ROBO1: variants seen among roughly 807,000 people sequenced by gnomAD.
The protein encoded by ROBO1 is roundabout guidance receptor 1, also known as roundabout homolog 1.
In ROBO1, 149 loss-of-function variants were observed where a neutral mutation model predicts 195.9. That is an observed-to-expected ratio of 0.76 (90% CI 0.67 to 0.87). ROBO1 has a LOEUF of 0.87. Ranked by LOEUF, ROBO1 falls within the 40% of genes least tolerant of loss-of-function variation. The pLI, the probability that ROBO1 is intolerant of heterozygous loss-of-function variation, is 0.00. For synonymous variants in ROBO1, 816 were observed against 733.2 expected (o/e 1.11, Z -1.82); for missense variants, 1,933 against 2,068.3 (o/e 0.93, Z 1.27).
intron 3 of ROBO1, among the ~76,000 whole-genome samples, chr3:78,992,982 G>A (rs182235549): frequency 2.2e-4 from 34 of 152,244 alleles, no homozygotes; most frequent in Admixed American, 2.2e-3. Context: ...AGTTGGCCAT[G>A]GAGTGGCAGA....
chr3:79,652,654 G>T (rs1946045301), intron 1 of ROBO1, among the ~76,000 whole-genome samples: 1 of 152,060 alleles, frequency 6.6e-6, no homozygotes, highest in Non-Finnish European at 1.5e-5. Context: ...TTTGAAACAA[G>T]TGTGATGGTG....
chr3:78,957,641 C>T (rs915463785), intron 3 of ROBO1, among the ~76,000 whole-genome samples: 9 of 152,104 alleles, frequency 5.9e-5, no homozygotes, highest in South Asian at 4.1e-4. Flanking sequence ...AACCCTGAGG[C>T]GCATAGCTGC....
At chr3:79,121,847 C>T (rs1319226150) in intron 3 of ROBO1, among the ~76,000 whole-genome samples, 4 of 151,906 alleles carry the variant, frequency 2.6e-5, no homozygotes, top group African/African-American at 9.7e-5. Flanking sequence ...CTGATTACTG[C>T]TTTGTAAAAA....
chr3:79,349,343 C>T (rs1389173186), intron 2 of ROBO1, among the ~76,000 whole-genome samples: 1 of 152,100 alleles, frequency 6.6e-6, no homozygotes, highest in Non-Finnish European at 1.5e-5. Flanking sequence ...ACCATATTCA[C>T]TGATCTGAAG....
chr3:78,808,485 G>A (rs1490287149), intron 4 of ROBO1, among the ~76,000 whole-genome samples: 1 of 152,144 alleles, frequency 6.6e-6, no homozygotes, highest in African/African-American at 2.4e-5. Flanking sequence ...TTACAGGCAT[G>A]AGCCACCATG....
intron 2 of ROBO1, among the ~76,000 whole-genome samples, chr3:79,202,741 C>A (rs958883501): frequency 1.3e-5 from 2 of 151,866 alleles, no homozygotes; most frequent in African/African-American, 4.8e-5. Context: ...CTTATTAAAC[C>A]CAACAAATTG....
intron 2 of ROBO1, among the ~76,000 whole-genome samples, chr3:79,575,343 CAA>C (rs1491379351): frequency 1.1e-5 from 1 of 91,220 alleles, no homozygotes; most frequent in Non-Finnish European, 2.0e-5. Context: ...TATATATAAC[CAA>C]TATATATAAA....
At chr3:79,674,743 AC>A (rs1329560039) in intron 1 of ROBO1, among the ~76,000 whole-genome samples, 2 of 151,792 alleles carry the variant, frequency 1.3e-5, no homozygotes, top group African/African-American at 2.4e-5. Flanking sequence ...TGAAAGAGAA[AC>A]TTTTGCATTT....
chr3:79,051,385 T>C (rs1441948052), intron 3 of ROBO1, among the ~76,000 whole-genome samples: 1 of 152,070 alleles, frequency 6.6e-6, no homozygotes, highest in African/African-American at 2.4e-5. Flanking sequence ...AATAGACAAA[T>C]AACAGGCTTT....
chr3:79,752,342 T>A (rs917302316), intron 1 of ROBO1, among the ~76,000 whole-genome samples: 3 of 152,178 alleles, frequency 2.0e-5, no homozygotes, highest in African/African-American at 7.2e-5. Context: ...TAATAAAACC[T>A]ATGTTTAAAG....
intron 4 of ROBO1, among the ~76,000 whole-genome samples, chr3:78,757,421 G>C (rs527302409): frequency 1.9e-4 from 23 of 120,066 alleles, no homozygotes; most frequent in Non-Finnish European, 3.7e-4. Flanking sequence ...GGAAACAAAG[G>C]CATGCGCACA....
intron 3 of ROBO1, among the ~76,000 whole-genome samples, chr3:79,002,572 A>C (rs992707235): frequency 4.6e-5 from 7 of 152,120 alleles, no homozygotes; most frequent in African/African-American, 1.2e-4. Flanking sequence ...CAGACACACA[A>C]AATGTGATAA....
intron 1 of ROBO1, among the ~76,000 whole-genome samples, chr3:79,753,998 A>G (rs1289404302): frequency 6.6e-6 from 1 of 152,168 alleles, no homozygotes; most frequent in Non-Finnish European, 1.5e-5. Context: ...AAAGGACACT[A>G]TTTCATAAAG....
chr3:78,704,595 T>C (rs1015088523), intron 8 of ROBO1, among the ~76,000 whole-genome samples: 4 of 141,076 alleles, frequency 2.8e-5, no homozygotes, highest in South Asian at 2.2e-4. Context: ...AACACACACA[T>C]ACACACACAC....
intron 1 of ROBO1, among the ~76,000 whole-genome samples, chr3:79,744,331 G>A (rs748799670): frequency 9.9e-5 from 15 of 152,148 alleles, no homozygotes; most frequent in Non-Finnish European, 1.9e-4. Context: ...TAGTGTCTGC[G>A]TGAGGTACTG....
chr3:79,019,554 A>G (rs531469540), intron 3 of ROBO1: 39 of 985,462 alleles, frequency 4.0e-5, no homozygotes, highest in African/African-American at 2.3e-4. Flanking sequence ...GGTCCTTTCC[A>G]TGCTTCACTC....
At chr3:78,790,947 T>G (rs1016097568) in intron 4 of ROBO1, among the ~76,000 whole-genome samples, 9 of 152,172 alleles carry the variant, frequency 5.9e-5, no homozygotes, top group African/African-American at 1.2e-4. Flanking sequence ...GTCTTCATAT[T>G]TCATTGCAAG....
intron 4 of ROBO1, among the ~76,000 whole-genome samples, chr3:78,834,027 A>G (rs903576834): frequency 1.3e-5 from 2 of 152,166 alleles, no homozygotes; most frequent in Admixed American, 6.6e-5. Context: ...GAATCTGACA[A>G]AGTAATATTA....
intron 2 of ROBO1, among the ~76,000 whole-genome samples, chr3:79,442,488 A>C (rs2039090151): frequency 6.6e-6 from 1 of 152,152 alleles, no homozygotes; most frequent in Admixed American, 6.6e-5. Flanking sequence ...GATTACTAAG[A>C]AATTAAGTTG....
Sources: allele counts gnomAD v4.1 joint callset (sites outside exome capture counted in the v4.1 genomes callset), GRCh38; gene constraint gnomAD v4.1.1; transcripts MANE v1.5; gene names NCBI Gene and HGNC (gene_info 2026-07-23, HGNC 2026-07-21).